Variants in GARS1 observed in about 807,000 individuals in gnomAD.
GARS1 encodes glycine--tRNA ligase.
GARS1 carries 46 observed loss-of-function variants against 86.4 expected under a neutral mutation model. The observed-to-expected ratio is 0.53, with a 90% CI of 0.42 to 0.68. GARS1 has a LOEUF of 0.68. Among genes scored for constraint, GARS1 ranks in the 30% least tolerant of loss-of-function variants. The pLI, the probability that GARS1 is intolerant of heterozygous loss-of-function variation, is 0.00. For missense variants in GARS1, 797 were observed against 915.6 expected (o/e 0.87, Z 1.67); for synonymous variants, 342 against 329.8 (o/e 1.04, Z -0.40).
rs3886641 is a variant in GARS1, at chr7:30,628,621, G to A, written c.1761G>A (p.Thr587=). Reference sequence around the variant, plus strand: ...TCGGCCTGGGTAGGATCATGTATACGGTATTTGAACATACATTCCATGTAC... The same window carrying A: ...TCGGCCTGGGTAGGATCATGTATACAGTATTTGAACATACATTCCATGTAC... ...PSFGLGRIMY[T]VFEHTFHVRE... The change falls in exon 14 of 17, where the codon ACG becomes ACA. Residue 587 remains threonine, a synonymous_variant. Transcript: ENST00000389266. 2.7e-3 allele frequency: 4,395 copies of A among 1,612,726 alleles called. 113 individuals carry two copies. The African/African-American group carries it at 0.05, about 18-fold the overall frequency.
At chr7:30,625,658 A>C (rs1373449200) in intron 12 of GARS1, among the ~76,000 whole-genome samples, 2 of 152,368 alleles carry the variant, frequency 1.3e-5, no homozygotes, top group East Asian at 3.9e-4. Flanking sequence ...CAGGACACAA[A>C]TACATGGCAG....
intron 12 of GARS1, among the ~76,000 whole-genome samples, chr7:30,625,247 T>C (rs1443151439): frequency 1.3e-5 from 2 of 152,166 alleles, no homozygotes; most frequent in African/African-American, 2.4e-5. Flanking sequence ...CCTGACCCAA[T>C]TGCAACTCTT....
intron 11 of GARS1, among the ~76,000 whole-genome samples, chr7:30,621,946 G>A (rs1783017252): frequency 6.6e-6 from 1 of 152,196 alleles, no homozygotes; most frequent in African/African-American, 2.4e-5. Context: ...TCTTTCTTTA[G>A]TAGGCAGTGA....
At chr7:30,617,086 C>T in intron 9 of GARS1, 28 bp from the exon 10 acceptor site, 1 of 1,612,372 alleles carries the variant, frequency 6.2e-7, no homozygotes, top group Non-Finnish European at 8.5e-7. Context: ...TCTTTTCTTC[C>T]TCCATGCTTG....
At chr7:30,617,078 T>C in intron 9 of GARS1, 36 bp from the exon 10 acceptor site, 1 of 1,610,800 alleles carries the variant, frequency 6.2e-7, no homozygotes. Flanking sequence ...GTGTGTTTTC[T>C]TTTCTTCCTC....
chr7:30,599,095 T>G lies in GARS1; in HGVS notation c.324+198T>G, dbSNP rs533448387. Among the ~76,000 whole-genome samples, 5 of 152,358 alleles carry G rather than the reference T, an allele frequency of 3.3e-5. No homozygotes were observed. The South Asian group carries it at 1.0e-3, about 32-fold the overall frequency. ...TCAAAATGCAACTCAAAATGTCAACTTTTTAATAAAGCCTTCCTGACCCTG... is the reference window on the plus strand; with the variant it reads ...TCAAAATGCAACTCAAAATGTCAACGTTTTAATAAAGCCTTCCTGACCCTG... On this transcript the variant is annotated intron_variant, in intron 2 of 16. Coordinates refer to ENST00000389266, the MANE Select transcript of GARS1 (RefSeq NM_002047.4).
upstream of GARS1, chr7:30,594,831 C>G (rs560069959): frequency 1.8e-6 from 2 of 1,130,110 alleles, no homozygotes; most frequent in Non-Finnish European, 2.5e-6. Context: ...CGCGCCGCGT[C>G]GTTTACGCGG....
At chr7:30,599,905 C>A in intron 2 of GARS1, 42 bp from the exon 3 acceptor site, 5 of 1,204,852 alleles carry the variant, frequency 4.1e-6, no homozygotes, top group Non-Finnish European at 4.9e-6. Flanking sequence ...CAGATTCCCA[C>A]CCACCCCTCC....
At chr7:30,625,382 G>T (rs920182490) in intron 12 of GARS1, among the ~76,000 whole-genome samples, 2 of 152,206 alleles carry the variant, frequency 1.3e-5, no homozygotes, top group African/African-American at 4.8e-5. Context: ...AAAAACGGAA[G>T]AATTCAGTGA....
intron 1 of GARS1, 94 bp from the exon 2 acceptor site, chr7:30,598,702 C>T (rs746173628): frequency 5.7e-6 from 6 of 1,051,512 alleles, no homozygotes; most frequent in Non-Finnish European, 8.7e-6. Context: ...ATCATTCTTA[C>T]ATAGACTTTT....
intron 10 of GARS1, among the ~76,000 whole-genome samples, chr7:30,620,227 A>G (rs1453827667): frequency 2.0e-5 from 3 of 152,196 alleles, no homozygotes; most frequent in Non-Finnish European, 4.4e-5. Flanking sequence ...CGGGTTCTTA[A>G]GAGTTTGTCA....
rs1584032284 is a variant in GARS1 at position 30,609,696 on chromosome 7, A to C, written c.847A>C (p.Lys283Gln). The C allele has an allele frequency of 6.2e-7, 1 of 1,613,704 alleles. No homozygotes were observed. The highest frequency in any genetic ancestry group is 1.3e-5 in the African/African-American group (1 of 75,044). ...TCCAGTGTCTTTTAACTTAATGTTC[A>C]AGACTTTCATTGGGCCTGGAGGAAA... The part of the protein sequence containing the change: ...SPPVSFNLMF[K>Q]TFIGPGGNMP... Residue 283 changes from lysine to glutamine, a missense_variant, in exon 7 of 17, where the codon AAG becomes CAG. Lys to Gln is a moderately conservative substitution (Grantham distance 53). Around this residue, in one of 2 missense-constraint regions of GARS1, gnomAD observed 598 missense variants for 738.7 expected, o/e 0.81. Transcript: ENST00000389266.
Position 30,603,006 on chromosome 7 carries a change from C to T in GARS1, c.570-28C>T, listed in dbSNP as rs1191641578. 5 of 1,487,610 alleles carry T rather than the reference C, an allele frequency of 3.4e-6. No homozygotes were observed. In the African/African-American group the frequency reaches 5.5e-5, roughly 16 times the overall value. The allele number at this position is 1,487,610 out of a possible 1,614,324, so 92.2% of individuals were successfully genotyped here. A position where few individuals can be genotyped will look rare whatever the true frequency, so the allele number is the denominator to read the frequency against. On this transcript the variant is annotated intron_variant, in intron 4 of 16. Transcript: ENST00000389266. ...CTATGTGTAATTTGTATGAGAATGACAAATTGGGTTGGCATTTGTTAATTT... is the reference window on the plus strand; with the variant it reads ...CTATGTGTAATTTGTATGAGAATGATAAATTGGGTTGGCATTTGTTAATTT...
intron 12 of GARS1, 57 bp downstream of exon 12, chr7:30,622,519 G>C: frequency 6.3e-7 from 1 of 1,592,446 alleles, no homozygotes; most frequent in African/African-American, 1.3e-5. Flanking sequence ...TCATCTGCCA[G>C]GTTCTGAAAG....
Position 30,610,735 on chromosome 7 carries a change from G to A in GARS1, c.881+1005G>A, listed in dbSNP as rs1170217469. 2.0e-5 allele frequency among the ~76,000 whole-genome samples: 3 copies of A among 152,194 alleles called. No individual in the cohort carries two copies. In the East Asian group the frequency reaches 5.8e-4, roughly 29 times the overall value. On this transcript the variant is annotated intron_variant, in intron 7 of 16. Coordinates refer to ENST00000389266, the MANE Select transcript of GARS1 (RefSeq NM_002047.4). ...GAAGGAAAGGAAATTATACTTAGAA[G>A]AAGTATATAAATTGAAAGTAGAAAT...
chr7:30,594,762 T>C, upstream of GARS1: 1 of 630,650 alleles, frequency 1.6e-6, no homozygotes, highest in Admixed American at 2.9e-5. Flanking sequence ...GGGTTTTGTG[T>C]CGAATCTGCG....
intron 1 of GARS1, among the ~76,000 whole-genome samples, chr7:30,597,172 G>A (rs1391649244): frequency 6.6e-6 from 1 of 152,124 alleles, no homozygotes; most frequent in East Asian, 1.9e-4. Context: ...ATTAACAAAC[G>A]TGGATTTTTT....
At chr7:30,627,431 A>G (rs1456796584) in intron 13 of GARS1, among the ~76,000 whole-genome samples, 1 of 152,234 alleles carries the variant, frequency 6.6e-6, no homozygotes, top group Non-Finnish European at 1.5e-5. Context: ...TTTATCATAG[A>G]CAAACAGGCT....
intron 1 of GARS1, among the ~76,000 whole-genome samples, chr7:30,596,564 A>C (rs915416989): frequency 1.3e-5 from 2 of 152,084 alleles, no homozygotes; most frequent in African/African-American, 4.8e-5. Flanking sequence ...ATCCATCGGT[A>C]GTTAAGACAG....
Sources: gnomAD v4.1 joint callset for allele counts (sites outside exome capture counted in the v4.1 genomes callset) on GRCh38, gnomAD v4.1.1 for gene constraint, gnomAD v4.1.1 regional missense constraint, MANE v1.5 for transcripts, NCBI Gene and HGNC (gene_info 2026-07-23, HGNC 2026-07-21) for gene names.